Variants in RAB30 observed in about 807,000 individuals in gnomAD.
The protein encoded by RAB30 is RAB30, member RAS oncogene family, also known as ras-related protein Rab-30.
In RAB30, 9 loss-of-function variants were observed where a neutral mutation model predicts 25.1. The observed-to-expected ratio is 0.36, with a 90% CI of 0.22 to 0.63. RAB30 has a LOEUF of 0.63. RAB30 is among the 20% of genes least tolerant of loss of function. RAB30 has a pLI of 0.69. For synonymous variants in RAB30, 77 were observed against 86.4 expected, an observed-to-expected ratio of 0.89 and a Z score of 0.60; for missense variants, 140 against 243.5, an observed-to-expected ratio of 0.58 and a Z score of 2.83.
intron 1 of RAB30, among the ~76,000 whole-genome samples, chr11:83,005,833 A>G: frequency 6.6e-6 from 1 of 152,094 alleles, no homozygotes; most frequent in Non-Finnish European, 1.5e-5. Context: ...AATTGATTAC[A>G]TGCATAAAAA....
chr11:82,989,671 T>G (rs1347562608), intron 3 of RAB30, among the ~76,000 whole-genome samples: 1 of 152,260 alleles, frequency 6.6e-6, no homozygotes, highest in Non-Finnish European at 1.5e-5. Flanking sequence ...TCCCACATCT[T>G]GAGAACAGCT....
At chr11:83,065,956 A>G (rs1858687647) in intron 1 of RAB30, among the ~76,000 whole-genome samples, 1 of 152,230 alleles carries the variant, frequency 6.6e-6, no homozygotes, top group African/African-American at 2.4e-5. Context: ...ATTTAACATG[A>G]TCTCAAAGGT....
intron 1 of RAB30, among the ~76,000 whole-genome samples, chr11:83,002,057 T>C (rs1226788376): frequency 1.3e-5 from 2 of 152,170 alleles, no homozygotes; most frequent in Non-Finnish European, 2.9e-5. Flanking sequence ...CTAGTTAGTC[T>C]CAGGAACAGG....
intron 1 of RAB30, among the ~76,000 whole-genome samples, chr11:83,064,489 A>G (rs1295554642): frequency 6.6e-6 from 1 of 152,216 alleles, no homozygotes; most frequent in Non-Finnish European, 1.5e-5. Context: ...GGGAACAGCT[A>G]ATGTTCCTCC....
In RAB30 at chr11:82,978,517, T is replaced by A. The variant is rs907995269; in HGVS notation, c.*3648A>T. 3 of 152,068 alleles carry A rather than the reference T, an allele frequency of 2.0e-5. No homozygotes were observed. Among genetic ancestry groups the A allele is most frequent in the Non-Finnish European group, 4.4e-5 (3 of 68,006 alleles). The allele number at this position is 152,068 out of a possible 1,614,324, so 9.4% of individuals were successfully genotyped here. ...AAAAAAAAAAAAAAAGATTTTTTTC[T>A]GATTGTGCTATTTCATTCATGTGGC... On this transcript the variant is annotated 3_prime_UTR_variant, in exon 5 of 5. Transcript: ENST00000527633.
At chr11:83,042,612 A>C (rs905884407) in intron 1 of RAB30, among the ~76,000 whole-genome samples, 10 of 152,174 alleles carry the variant, frequency 6.6e-5, no homozygotes, top group African/African-American at 2.4e-4. Context: ...CAACTTCATG[A>C]CTACAAAATC....
rs954246762 is a variant in RAB30, at chr11:82,981,845, T to C, written c.*320A>G. The C allele has an allele frequency of 1.7e-5, 5 of 302,606 alleles. No individual in the cohort carries two copies. In the Admixed American group the frequency reaches 2.2e-4, roughly 14 times the overall value. 18.7% of individuals were successfully genotyped at this position (302,606 alleles called of 1,614,324 possible). On this transcript the variant is annotated 3_prime_UTR_variant, in exon 5 of 5. Transcript: ENST00000527633. Reference sequence around the variant, plus strand: ...GTGCAGGAGGGATCCCTACAGTACATTTCCCCCCGGACTCTGTTTAGGAAT... The same window carrying C: ...GTGCAGGAGGGATCCCTACAGTACACTTCCCCCCGGACTCTGTTTAGGAAT...
At chr11:83,018,853 T>C (rs1857499734) in intron 1 of RAB30, among the ~76,000 whole-genome samples, 2 of 152,244 alleles carry the variant, frequency 1.3e-5, no homozygotes, top group Non-Finnish European at 2.9e-5. Flanking sequence ...TGATCCATCT[T>C]GAGTTGATTT....
Position 82,987,612 on chromosome 11 carries a change from G to A in RAB30, c.336C>T (p.Ser112=), listed in dbSNP as rs1361350805. 1 of 1,612,826 alleles carries A rather than the reference G, an allele frequency of 6.2e-7. No individual in the cohort carries two copies. Among genetic ancestry groups the A allele is most frequent in the African/African-American group, 1.3e-5 (1 of 74,836 alleles). ...CCACTAACACAGTGATGACCTTGTT[G>A]CTGGCATATTGTTCTATCTCCCGCA... ...EWLREIEQYA[S]NKVITVLVGN... Residue 112 remains serine, a synonymous_variant, in exon 4 of 5, where the codon AGC becomes AGT. Coordinates refer to ENST00000527633, the MANE Select transcript of RAB30 (RefSeq NM_001286060.2).
chr11:82,994,201 C>T (rs1856913523), intron 2 of RAB30, 79 bp from the exon 3 acceptor site: 2 of 1,232,974 alleles, frequency 1.6e-6, no homozygotes, highest in Admixed American at 1.8e-5. Flanking sequence ...CCCAGCAACA[C>T]CCATCACCGG....
chr11:82,973,581 A>G lies in RAB30; in HGVS notation c.*8584T>C, dbSNP rs1856491497. 1 of 152,254 alleles carries G rather than the reference A, an allele frequency of 6.6e-6. No homozygotes were observed. Among genetic ancestry groups the G allele is most frequent in the Non-Finnish European group, 1.5e-5 (1 of 68,034 alleles). The allele number at this position is 152,254 out of a possible 1,614,324, so 9.4% of individuals were successfully genotyped here. On this transcript the variant is annotated 3_prime_UTR_variant, in exon 5 of 5. Coordinates refer to ENST00000527633, the MANE Select transcript of RAB30 (RefSeq NM_001286060.2). ...CTTCATGAAATTGATTGCTTATCACATCTAAATGACAGGCTCATAGAAAAA... is the reference window on the plus strand; with the variant it reads ...CTTCATGAAATTGATTGCTTATCACGTCTAAATGACAGGCTCATAGAAAAA...
intron 1 of RAB30, among the ~76,000 whole-genome samples, chr11:83,068,797 A>G (rs1252658287): frequency 6.6e-6 from 1 of 152,220 alleles, no homozygotes; most frequent in East Asian, 1.9e-4. Flanking sequence ...AGTCTCTTGA[A>G]GTGTCACTTC....
intron 1 of RAB30, among the ~76,000 whole-genome samples, chr11:83,020,361 G>A (rs999535049): frequency 6.6e-6 from 1 of 152,230 alleles, no homozygotes; most frequent in Non-Finnish European, 1.5e-5. Context: ...TCACAGCCTG[G>A]CTGGGTGTGC....
intron 1 of RAB30, among the ~76,000 whole-genome samples, chr11:83,045,379 C>T (rs1858213562): frequency 6.6e-6 from 1 of 152,096 alleles, no homozygotes; most frequent in Non-Finnish European, 1.5e-5. Context: ...GACCCTCCTG[C>T]CTTGACCTCC....
intron 1 of RAB30, among the ~76,000 whole-genome samples, chr11:83,007,295 T>C (rs1452617952): frequency 6.6e-6 from 1 of 152,022 alleles, no homozygotes; most frequent in Admixed American, 6.6e-5. Flanking sequence ...GGGGTGGAGT[T>C]AGGAGGAAGG....
chr11:83,007,468 T>A (rs1857208509), intron 1 of RAB30, among the ~76,000 whole-genome samples: 1 of 152,244 alleles, frequency 6.6e-6, no homozygotes, highest in African/African-American at 2.4e-5. Context: ...ATTTTCCTAA[T>A]TCCTAGAAAT....
chr11:82,996,229 T>G (rs531885166), intron 2 of RAB30, among the ~76,000 whole-genome samples: 8 of 152,288 alleles, frequency 5.3e-5, no homozygotes, highest in African/African-American at 1.9e-4. Flanking sequence ...GTCTCTTTCG[T>G]TTTCCGCAAA....
intron 3 of RAB30, among the ~76,000 whole-genome samples, chr11:82,991,327 C>A (rs1263616340): frequency 2.6e-5 from 4 of 151,546 alleles, no homozygotes; most frequent in Non-Finnish European, 5.9e-5. Flanking sequence ...TAGTGAGACC[C>A]CATCTCTACA....
intron 1 of RAB30, among the ~76,000 whole-genome samples, chr11:83,018,455 C>T (rs537233302): frequency 6.6e-6 from 1 of 152,148 alleles, no homozygotes; most frequent in African/African-American, 2.4e-5. Context: ...ATGTTGAGCA[C>T]TTTTTCATGT....
Sources: allele counts gnomAD v4.1 joint callset (sites outside exome capture counted in the v4.1 genomes callset), GRCh38; gene constraint gnomAD v4.1.1; transcripts MANE v1.5; gene names NCBI Gene and HGNC (gene_info 2026-07-23, HGNC 2026-07-21).